Variants in MGAT4C observed in about 807,000 individuals in gnomAD.
The protein encoded by MGAT4C is alpha-1,3-mannosyl-glycoprotein 4-beta-N-acetylglucosaminyltransferase C.
MGAT4C carries 19 observed loss-of-function variants against 40.1 expected under a neutral mutation model. That is an observed-to-expected ratio of 0.47 (90% CI 0.33 to 0.70). MGAT4C has a LOEUF of 0.70. MGAT4C is among the 30% of genes least tolerant of loss of function. The pLI is 0.02. For synonymous variants in MGAT4C, 181 were observed against 187.1 expected (o/e 0.97, Z 0.27); for missense variants, 491 against 563.2 (o/e 0.87, Z 1.30).
At chr12:86,827,488 A>G (rs1952830452) in intron 1 of MGAT4C, among the ~76,000 whole-genome samples, 1 of 151,538 alleles carries the variant, frequency 6.6e-6, no homozygotes, top group Admixed American at 6.6e-5. Flanking sequence ...AAAAGGAAAA[A>G]GTCATGAGTA....
chr12:86,202,767 A>G (rs1950097282), intron 1 of MGAT4C, among the ~76,000 whole-genome samples: 1 of 151,996 alleles, frequency 6.6e-6, no homozygotes, highest in Non-Finnish European at 1.5e-5. Flanking sequence ...CTGTCTAATA[A>G]GCTGTTTAAC....
intron 1 of MGAT4C, among the ~76,000 whole-genome samples, chr12:86,152,302 C>T (rs927817977): frequency 9.2e-5 from 14 of 152,334 alleles, no homozygotes; most frequent in African/African-American, 3.1e-4. Flanking sequence ...AAGGCGCTGG[C>T]AGGTTCAGTG....
chr12:86,492,144 A>C (rs536521679), intron 2 of MGAT4C, among the ~76,000 whole-genome samples: 3 of 152,330 alleles, frequency 2.0e-5, no homozygotes, highest in African/African-American at 4.8e-5. Context: ...ATGAAATAAA[A>C]GACTATACAA....
intron 2 of MGAT4C, among the ~76,000 whole-genome samples, chr12:86,555,384 A>C (rs1245658950): frequency 6.6e-6 from 1 of 152,192 alleles, no homozygotes; most frequent in Non-Finnish European, 1.5e-5. Context: ...GGAAAAGCTG[A>C]GTATTGGGAG....
chr12:86,793,809 C>G (rs1268121701), intron 1 of MGAT4C, among the ~76,000 whole-genome samples: 2 of 151,998 alleles, frequency 1.3e-5, no homozygotes, highest in African/African-American at 4.8e-5. Flanking sequence ...CAGCCACAAT[C>G]TGTAACTCTT....
intron 2 of MGAT4C, among the ~76,000 whole-genome samples, chr12:86,630,855 G>T (rs1963010469): frequency 6.6e-6 from 1 of 152,144 alleles, no homozygotes; most frequent in African/African-American, 2.4e-5. Context: ...AGACAGGGAT[G>T]CCGTCTTTCA....
chr12:86,353,056 A>T (rs916281749), intron 3 of MGAT4C, among the ~76,000 whole-genome samples: 6 of 149,854 alleles, frequency 4.0e-5, no homozygotes, highest in Non-Finnish European at 7.4e-5. Context: ...AATAAATAAA[A>T]TAAATTATAA....
intron 1 of MGAT4C, among the ~76,000 whole-genome samples, chr12:86,817,653 A>C (rs1485909613): frequency 6.6e-6 from 1 of 151,610 alleles, no homozygotes. Flanking sequence ...TTATATTCAC[A>C]GTGAATTTCT....
chr12:86,808,148 CAAATA>C (rs1952398364), intron 1 of MGAT4C, among the ~76,000 whole-genome samples: 1 of 151,976 alleles, frequency 6.6e-6, no homozygotes, highest in Non-Finnish European at 1.5e-5. Context: ...GCCTACCAAC[CAAATA>C]AAAGACCAGA....
intron 1 of MGAT4C, among the ~76,000 whole-genome samples, chr12:86,252,128 A>C (rs1010429999): frequency 1.3e-5 from 2 of 152,030 alleles, no homozygotes; most frequent in African/African-American, 2.4e-5. Context: ...AGTCTTCATA[A>C]TTTATTAACC....
In MGAT4C at chr12:86,138,221, C is replaced by T. The variant is rs138984205; in HGVS notation, c.-56-88498G>A. ...CCAACATACAAATTCCTGAGTTCCTCAGCACTCAAACTCAGACTCATTTCT... is the reference window on the plus strand; with the variant it reads ...CCAACATACAAATTCCTGAGTTCCTTAGCACTCAAACTCAGACTCATTTCT... On this transcript the variant is annotated intron_variant, in intron 1 of 4. Coordinates refer to ENST00000611864, the MANE Select transcript of MGAT4C (RefSeq NM_001351288.2). 2.8e-4 allele frequency among the ~76,000 whole-genome samples: 42 copies of T among 151,940 alleles called. No homozygotes were observed. The East Asian group carries it at 8.0e-3, about 29-fold the overall frequency.
At chr12:86,612,657 T>G (rs1962323764) in intron 2 of MGAT4C, among the ~76,000 whole-genome samples, 2 of 150,892 alleles carry the variant, frequency 1.3e-5, no homozygotes, top group Non-Finnish European at 2.9e-5. Context: ...AGAGAATCGC[T>G]TGAATCCGGG....
chr12:86,395,607 T>C (rs1956247063), intron 3 of MGAT4C, among the ~76,000 whole-genome samples: 1 of 152,170 alleles, frequency 6.6e-6, no homozygotes, highest in South Asian at 2.1e-4. Context: ...ATTCAACCAA[T>C]GTAAGTTTTT....
intron 2 of MGAT4C, among the ~76,000 whole-genome samples, chr12:86,500,333 G>T (rs1003223309): frequency 4.6e-5 from 7 of 151,466 alleles, no homozygotes; most frequent in African/African-American, 1.5e-4. Flanking sequence ...AATCCAACAA[G>T]GTGTTCCCAA....
At chr12:86,740,288 A>G (rs1951048193) in intron 1 of MGAT4C, among the ~76,000 whole-genome samples, 1 of 151,130 alleles carries the variant, frequency 6.6e-6, no homozygotes, top group Non-Finnish European at 1.5e-5. Flanking sequence ...CAAAAGTTGT[A>G]AAAATAATCA....
chr12:86,404,970 G>A (rs1162091889), intron 3 of MGAT4C, among the ~76,000 whole-genome samples: 2 of 151,982 alleles, frequency 1.3e-5, no homozygotes, highest in Non-Finnish European at 2.9e-5. Context: ...TAGAAAGACA[G>A]TAGGTTTAAT....
intron 2 of MGAT4C, among the ~76,000 whole-genome samples, chr12:86,611,424 A>C (rs191121431): frequency 7.5e-6 from 1 of 133,614 alleles, no homozygotes; most frequent in South Asian, 2.3e-4. Context: ...AGGTAGGTAG[A>C]TAGATAGATG....
chr12:86,508,995 T>A (rs1293279615), intron 2 of MGAT4C, among the ~76,000 whole-genome samples: 1 of 152,094 alleles, frequency 6.6e-6, no homozygotes, highest in East Asian at 1.9e-4. Flanking sequence ...GAAAATTTTC[T>A]CCCATTTTGT....
At chr12:86,508,672 C>T (rs936579943) in intron 2 of MGAT4C, among the ~76,000 whole-genome samples, 2 of 148,706 alleles carry the variant, frequency 1.3e-5, no homozygotes, top group African/African-American at 2.5e-5. Flanking sequence ...TACAGTCCCA[C>T]CAACAGTGGA....
Sources: gnomAD v4.1 joint callset for allele counts (sites outside exome capture counted in the v4.1 genomes callset) on GRCh38, gnomAD v4.1.1 for gene constraint, MANE v1.5 for transcripts, NCBI Gene and HGNC (gene_info 2026-07-23, HGNC 2026-07-21) for gene names.